VSIG8: variants seen among roughly 807,000 people sequenced by gnomAD.
VSIG8 encodes the protein V-set and immunoglobulin domain-containing protein 8.
VSIG8 carries 32 observed loss-of-function variants against 42.6 expected under a neutral mutation model. The ratio of observed to expected loss-of-function variants is 0.75; its 90% CI spans 0.57 to 1.01. The LOEUF is 1.01. Among genes scored for constraint, VSIG8 ranks in the 50% least tolerant of loss-of-function variants. The pLI is 0.00. For missense variants in VSIG8, 529 were observed against 558.0 expected (o/e 0.95, Z 0.52); for synonymous variants, 290 against 243.8 (o/e 1.19, Z -1.77).
In VSIG8 at chr1:159,854,741, C is replaced by G. The variant is rs1249086140; in HGVS notation, c.*12G>C. ...CTCCTGGCTGGGGCGCAGCCCGGCC[C>G]GGCGCGCGCGCTCACACCAAGAGGC... On this transcript the variant is annotated 3_prime_UTR_variant, in exon 7 of 7. Coordinates refer to ENST00000368100, the MANE Select transcript of VSIG8 (RefSeq NM_001013661.1). 6.8e-7 allele frequency: 1 copy of G among 1,461,372 alleles called. No homozygotes were observed. 90.5% of individuals were successfully genotyped at this position (1,461,372 alleles called of 1,614,324 possible).
chr1:159,854,487 C>T lies in VSIG8; in HGVS notation c.*266G>A. On this transcript the variant is annotated 3_prime_UTR_variant, in exon 7 of 7. Transcript: ENST00000368100. ...GCCGCTCTAGGACACTCAGCCTCCT[C>T]CTCCCTCCCTCTCCCCCAAGCCTTC... is the stretch of plus-strand genomic sequence containing the variant. 1.7e-6 allele frequency: 1 copy of T among 596,304 alleles called. No individual in the cohort carries two copies. The highest frequency in any genetic ancestry group is 3.8e-5 in the South Asian group (1 of 26,116). The allele number at this position is 596,304 out of a possible 1,614,324, so 36.9% of individuals were successfully genotyped here. A position where few individuals can be genotyped will look rare whatever the true frequency, so the allele number is the denominator to read the frequency against.
chr1:159,858,945 G>A (rs959207877), intron 1 of VSIG8, 33 bp from the exon 2 acceptor site: 2 of 1,599,136 alleles, frequency 1.3e-6, no homozygotes, highest in Non-Finnish European at 8.5e-7. Flanking sequence ...GGGGTGGTAG[G>A]AGCAGAAGCA....
chr1:159,854,995 T>A lies in VSIG8; in HGVS notation c.1003A>T (p.Ser335Cys). 2 of 1,563,344 alleles carry A rather than the reference T, an allele frequency of 1.3e-6. No individual in the cohort carries two copies. Among genetic ancestry groups the A allele is most frequent in the Non-Finnish European group, 1.7e-6 (2 of 1,159,858 alleles). Residue 335 changes from serine (S) to cysteine (C), a missense_variant, in exon 7 of 7, where the codon AGC becomes TGC. Ser to Cys is a moderately radical substitution (Grantham distance 112). Coordinates refer to ENST00000368100, the MANE Select transcript of VSIG8 (RefSeq NM_001013661.1). ...EDAVAPGCKA[S>C]GRGSRVTHLL... ...TGGGTGACGCGGCTGCCGCGCCCGC[T>A]GGCCTTGCACCCGGGCGCCACGGCG...
rs1359921171 is a variant in VSIG8 at position 159,856,203 on chromosome 1, TC to T, written c.773-123del. 4.9e-6 allele frequency: 5 copies of T among 1,019,306 alleles called. No homozygotes were observed. In the Admixed American group the frequency reaches 1.3e-4, roughly 26 times the overall value. 63.1% of individuals were successfully genotyped at this position (1,019,306 alleles called of 1,614,324 possible). ...AAGAGGGAGAGGGACCCAGGGGGTC[TC>T]TTAGCCCTGGAACACCCAGTGGGGA... is the stretch of plus-strand genomic sequence containing the variant. On this transcript the variant is annotated intron_variant, in intron 5 of 6. Coordinates refer to ENST00000368100, the MANE Select transcript of VSIG8 (RefSeq NM_001013661.1).
At position 159,858,155 on chromosome 1, in the gene VSIG8, G is replaced by A; in HGVS notation, c.365C>T (p.Ala122Val). The A allele has an allele frequency of 6.2e-7, 1 of 1,614,212 alleles. No homozygotes were observed. Among genetic ancestry groups the A allele is most frequent in the East Asian group, 2.2e-5 (1 of 44,876 alleles). The change falls in exon 3 of 7, where the codon GCC becomes GTC. Residue 122 changes from alanine to valine, a missense_variant. By Grantham distance (64) the Ala-to-Val change is moderately conservative. Coordinates refer to ENST00000368100, the MANE Select transcript of VSIG8 (RefSeq NM_001013661.1). The part of the protein sequence containing the change: ...NLMNLQVSDT[A>V]TYECRVKKTT... Reference sequence around the variant, plus strand: ...CTTCTTCACCCGGCACTCATAAGTGGCTGTATCAGATACCTGCAGGTTCAT... The same window carrying A: ...CTTCTTCACCCGGCACTCATAAGTGACTGTATCAGATACCTGCAGGTTCAT...
intron 5 of VSIG8, 132 bp from the exon 6 acceptor site, chr1:159,856,213 G>T: frequency 1.1e-6 from 1 of 921,408 alleles, no homozygotes; most frequent in Non-Finnish European, 1.6e-6. Flanking sequence ...TCTTAGCCCT[G>T]GAACACCCAG....
At chr1:159,860,656 A>G (rs897840994) in intron 1 of VSIG8, 1 of 152,282 alleles carries the variant, frequency 6.6e-6, no homozygotes, top group African/African-American at 2.4e-5. Flanking sequence ...CTCCAGGCCA[A>G]GAGAACAACA....
rs375663830 is a variant in VSIG8, at chr1:159,858,725, A to T, written c.228+9T>A. 15 of 1,604,410 alleles carry T rather than the reference A, an allele frequency of 9.3e-6. No individual in the cohort carries two copies. The African/African-American group carries it at 1.6e-4, about 17-fold the overall frequency. ...CTAGAGGAAGGAGACCCCTGTGCCCAGCACTCACCACGTTCTCTCGGTGGT... is the reference window on the plus strand; with the variant it reads ...CTAGAGGAAGGAGACCCCTGTGCCCTGCACTCACCACGTTCTCTCGGTGGT... On this transcript the variant is annotated intron_variant, in intron 2 of 6. Coordinates refer to ENST00000368100, the MANE Select transcript of VSIG8 (RefSeq NM_001013661.1).
In VSIG8 at chr1:159,854,749, G is replaced by A. The variant is rs1467584006; in HGVS notation, c.*4C>T. 14 of 1,469,144 alleles carry A rather than the reference G, an allele frequency of 9.5e-6. No homozygotes were observed. The highest frequency in any genetic ancestry group is 1.3e-5 in the Non-Finnish European group (14 of 1,118,664). The allele number at this position is 1,469,144 out of a possible 1,614,324, so 91.0% of individuals were successfully genotyped here. On this transcript the variant is annotated 3_prime_UTR_variant, in exon 7 of 7. Coordinates refer to ENST00000368100, the MANE Select transcript of VSIG8 (RefSeq NM_001013661.1). ...TGGGGCGCAGCCCGGCCCGGCGCGC[G>A]CGCTCACACCAAGAGGCCGTTCTTG...
At chr1:159,858,971 T>G (rs1446942514) in intron 1 of VSIG8, 59 bp from the exon 2 acceptor site, 33 of 1,553,042 alleles carry the variant, frequency 2.1e-5, no homozygotes, top group Non-Finnish European at 2.8e-5. Flanking sequence ...TCAGGAGGAG[T>G]CAGTGTCAGC....
At chr1:159,860,319 C>T (rs1040170697) in intron 1 of VSIG8, among the ~76,000 whole-genome samples, 9 of 152,208 alleles carry the variant, frequency 5.9e-5, no homozygotes, top group Admixed American at 2.0e-4. Context: ...TATATAGATT[C>T]ATTCAGACAC....
chr1:159,858,676 T>C, intron 2 of VSIG8, 58 bp downstream of exon 2: 3 of 1,540,556 alleles, frequency 1.9e-6, no homozygotes, highest in South Asian at 2.5e-5. Context: ...ATGTTGGCTG[T>C]CCAACAGGTA....
chr1:159,858,946 A>G (rs1327361195), intron 1 of VSIG8, 34 bp from the exon 2 acceptor site: 2 of 1,598,532 alleles, frequency 1.3e-6, no homozygotes, highest in Non-Finnish European at 1.7e-6. Context: ...GGGTGGTAGG[A>G]GCAGAAGCAG....
Position 159,856,770 on chromosome 1 carries a change from C to CA in VSIG8, c.653-128_653-127insT, listed in dbSNP as rs1491039160. The CA allele has an allele frequency of 8.7e-5, 95 of 1,094,080 alleles. No individual in the cohort carries two copies. In the Middle Eastern group the frequency reaches 3.4e-3, roughly 40 times the overall value. 67.8% of individuals were successfully genotyped at this position (1,094,080 alleles called of 1,614,324 possible). Reference sequence around the variant, plus strand: ...GCTTATGCATGTGTGTACACCCACACCCACACACACACACACACACTCCAC... The same window carrying CA: ...GCTTATGCATGTGTGTACACCCACACACCACACACACACACACACACTCCAC... On this transcript the variant is annotated intron_variant, in intron 4 of 6. Coordinates refer to ENST00000368100, the MANE Select transcript of VSIG8 (RefSeq NM_001013661.1).
At chr1:159,860,991 C>G (rs1445089920) in intron 1 of VSIG8, 5 of 152,302 alleles carry the variant, frequency 3.3e-5, no homozygotes, top group Admixed American at 2.6e-4. Context: ...TCTTCTCAAC[C>G]TCCTCCCAAG....
At chr1:159,855,074 G>T in intron 6 of VSIG8, 48 bp from the exon 7 acceptor site, 2 of 1,562,106 alleles carry the variant, frequency 1.3e-6, no homozygotes, top group East Asian at 2.4e-5. Flanking sequence ...TCCGCAGCGG[G>T]GCGTGGGCAC....
intron 5 of VSIG8, 48 bp downstream of exon 5, chr1:159,856,476 C>G (rs748340637): frequency 7.1e-5 from 114 of 1,606,126 alleles, no homozygotes; most frequent in Non-Finnish European, 9.3e-5. Flanking sequence ...CCAGCCTCCT[C>G]CAGTTCAACC....
chr1:159,854,542 T>G lies in VSIG8; in HGVS notation c.*211A>C. 1 of 951,960 alleles carries G rather than the reference T, an allele frequency of 1.1e-6. No homozygotes were observed. The highest frequency in any genetic ancestry group is 1.4e-6 in the Non-Finnish European group (1 of 706,638). 59.0% of individuals were successfully genotyped at this position (951,960 alleles called of 1,614,324 possible). A position where few individuals can be genotyped will look rare whatever the true frequency, so the allele number is the denominator to read the frequency against. On this transcript the variant is annotated 3_prime_UTR_variant, in exon 7 of 7. Transcript: ENST00000368100. ...CCGGGGGTGCGGAGAAGGCTCAGGA[T>G]CGCCTTCCTCCGCCCTCGCCCGCCC...
rs199588064 is a variant in VSIG8 at position 159,855,837 on chromosome 1, C to G, written c.971+46G>C. ...AGGCAGGAGTGAGGTGGGCAGGGCG[C>G]CGGTTCCCTGCCGCACAGCAGCATG... On this transcript the variant is annotated intron_variant, in intron 6 of 6. Coordinates refer to ENST00000368100, the MANE Select transcript of VSIG8 (RefSeq NM_001013661.1). 238 of 1,502,618 alleles carry G rather than the reference C, an allele frequency of 1.6e-4. No homozygotes were observed. The African/African-American group carries it at 3.2e-3, about 20-fold the overall frequency. The allele number at this position is 1,502,618 out of a possible 1,614,324, so 93.1% of individuals were successfully genotyped here.
Sources: gnomAD v4.1 joint callset for allele counts (sites outside exome capture counted in the v4.1 genomes callset) on GRCh38, gnomAD v4.1.1 for gene constraint, MANE v1.5 for transcripts, NCBI Gene and HGNC (gene_info 2026-07-23, HGNC 2026-07-21) for gene names.